ZNF385D: variants seen among roughly 807,000 people sequenced by gnomAD.
ZNF385D encodes the protein zinc finger protein 385D.
ZNF385D carries 15 observed loss-of-function variants against 35.8 expected under a neutral mutation model. The ratio of observed to expected loss-of-function variants is 0.42; its 90% CI spans 0.28 to 0.64. The LOEUF (loss-of-function observed/expected upper bound fraction) is 0.64. Among genes scored for constraint, ZNF385D ranks in the 30% least tolerant of loss-of-function variants. The probability of loss-of-function intolerance (pLI) is 0.23; values close to 1 mark genes in which losing one functional copy is unlikely to be tolerated. For missense variants in ZNF385D, 474 were observed against 494.6 expected (o/e 0.96, Z 0.39); for synonymous variants, 212 against 186.8 (o/e 1.13, Z -1.10).
At chr3:22,357,513 A>T (rs1279915024) in intron 2 of ZNF385D, among the ~76,000 whole-genome samples, 2 of 151,930 alleles carry the variant, frequency 1.3e-5, no homozygotes, top group African/African-American at 4.8e-5. Context: ...ATGTCTTTAC[A>T]GTATTTTATT....
At chr3:21,890,546 G>T in intron 3 of ZNF385D, among the ~76,000 whole-genome samples, 1 of 152,170 alleles carries the variant, frequency 6.6e-6, no homozygotes, top group East Asian at 1.9e-4. Flanking sequence ...TGGAACCTGG[G>T]AGGCGGAGGT....
chr3:21,505,171 G>T (rs233165), intron 4 of ZNF385D, among the ~76,000 whole-genome samples: 122,554 of 152,022 alleles, frequency 0.81, 49,699 homozygotes, highest in African/African-American at 0.88. Context: ...ATGAGGACTG[G>T]TTTTTTTCAT....
chr3:21,850,284 C>T (rs1696301905), intron 3 of ZNF385D, among the ~76,000 whole-genome samples: 1 of 152,064 alleles, frequency 6.6e-6, no homozygotes, highest in Admixed American at 6.6e-5. Flanking sequence ...TATTTTCCAA[C>T]ATTGCACAGA....
intron 3 of ZNF385D, among the ~76,000 whole-genome samples, chr3:22,127,943 G>T (rs1220896909): frequency 6.6e-6 from 1 of 152,114 alleles, no homozygotes; most frequent in Admixed American, 6.6e-5. Flanking sequence ...CAGAACTGCA[G>T]TGTATCTGTC....
chr3:22,252,047 C>T (rs907533076), intron 2 of ZNF385D, among the ~76,000 whole-genome samples: 6 of 151,992 alleles, frequency 3.9e-5, no homozygotes, highest in Admixed American at 3.9e-4. Flanking sequence ...TAATTCAAAT[C>T]GATACATAAG....
At chr3:22,110,111 T>A (rs1171347610) in intron 3 of ZNF385D, among the ~76,000 whole-genome samples, 1 of 151,954 alleles carries the variant, frequency 6.6e-6, no homozygotes. Flanking sequence ...CCAGTTAGAA[T>A]GGCAATCATT....
intron 1 of ZNF385D, among the ~76,000 whole-genome samples, chr3:21,749,907 G>A (rs114134610): frequency 0.03 from 4,602 of 152,226 alleles, 134 homozygotes; most frequent in East Asian, 0.15. Context: ...GAAAGAAGAC[G>A]CTAGATTTAA....
chr3:21,472,947 GT>G (rs1291913748), intron 4 of ZNF385D, among the ~76,000 whole-genome samples: 12 of 151,852 alleles, frequency 7.9e-5, no homozygotes, highest in Non-Finnish European at 1.5e-4. Flanking sequence ...TTTGTCTAGA[GT>G]TTTTTTTCAG....
chr3:21,934,795 T>G (rs1246044062), intron 3 of ZNF385D, among the ~76,000 whole-genome samples: 1 of 152,196 alleles, frequency 6.6e-6, no homozygotes, highest in Non-Finnish European at 1.5e-5. Context: ...TACTAACAGA[T>G]GAGCTTGTTT....
At chr3:21,992,389 G>C (rs747441167) in intron 3 of ZNF385D, among the ~76,000 whole-genome samples, 2 of 152,100 alleles carry the variant, frequency 1.3e-5, no homozygotes, top group Non-Finnish European at 2.9e-5. Flanking sequence ...GATGACAGCA[G>C]CTGGAGGAGG....
chr3:21,624,550 A>T (rs895931732), intron 2 of ZNF385D, among the ~76,000 whole-genome samples: 1 of 152,072 alleles, frequency 6.6e-6, no homozygotes, highest in African/African-American at 2.4e-5. Flanking sequence ...CTTTATAATG[A>T]CTGCTGGCAA....
At chr3:21,606,259 T>G (rs1362040174) in intron 2 of ZNF385D, among the ~76,000 whole-genome samples, 1 of 152,178 alleles carries the variant, frequency 6.6e-6, no homozygotes, top group Non-Finnish European at 1.5e-5. Flanking sequence ...CCCTTCTGCC[T>G]TCAGGACAAT....
At chr3:22,317,090 C>T (rs1703929543) in intron 2 of ZNF385D, among the ~76,000 whole-genome samples, 1 of 151,658 alleles carries the variant, frequency 6.6e-6, no homozygotes, top group Non-Finnish European at 1.5e-5. Flanking sequence ...CCAGCCTGAC[C>T]AACATGGAGA....
chr3:22,227,520 G>A (rs1256015055), intron 2 of ZNF385D, among the ~76,000 whole-genome samples: 2 of 152,108 alleles, frequency 1.3e-5, no homozygotes, highest in African/African-American at 4.8e-5. Context: ...AGTTGTCTTG[G>A]CTTCAATCAT....
intron 2 of ZNF385D, among the ~76,000 whole-genome samples, chr3:22,220,383 T>C (rs1159253896): frequency 6.6e-6 from 1 of 152,040 alleles, no homozygotes; most frequent in Non-Finnish European, 1.5e-5. Context: ...AAGTTATCTC[T>C]GACTCTAATT....
At chr3:21,485,714 C>T (rs1055386709) in intron 4 of ZNF385D, among the ~76,000 whole-genome samples, 2 of 152,012 alleles carry the variant, frequency 1.3e-5, no homozygotes, top group Non-Finnish European at 2.9e-5. Flanking sequence ...AACTTTCTAT[C>T]ATTTCAGAAC....
At chr3:22,050,781 TTAAA>T (rs1337373974) in intron 3 of ZNF385D, among the ~76,000 whole-genome samples, 1 of 152,176 alleles carries the variant, frequency 6.6e-6, no homozygotes, top group African/African-American at 2.4e-5. Context: ...TATATTTATA[TTAAA>T]TAAACTAAAC....
intron 3 of ZNF385D, among the ~76,000 whole-genome samples, chr3:22,056,274 T>TAAAAAAAA (rs1180609438): frequency 1.5e-5 from 1 of 64,902 alleles, no homozygotes; most frequent in African/African-American, 6.1e-5. Flanking sequence ...TAGAGTATAA[T>TAAAAAAAA]AAAAAAAAAA....
At chr3:22,242,342 A>T (rs1435925109) in intron 2 of ZNF385D, among the ~76,000 whole-genome samples, 1 of 151,182 alleles carries the variant, frequency 6.6e-6, no homozygotes. Flanking sequence ...CATTGAAGAG[A>T]GTGCTTCTCA....
Sources: gnomAD v4.1 joint callset for allele counts (sites outside exome capture counted in the v4.1 genomes callset) on GRCh38, gnomAD v4.1.1 for gene constraint, MANE v1.5 for transcripts, NCBI Gene and HGNC (gene_info 2026-07-23, HGNC 2026-07-21) for gene names.